Variants in RALGPS1 observed in about 807,000 individuals in gnomAD.
RALGPS1 encodes ras-specific guanine nucleotide-releasing factor RalGPS1.
In RALGPS1, 19 loss-of-function variants were observed where a neutral mutation model predicts 78.8. The observed-to-expected ratio is 0.24, with a 90% CI of 0.17 to 0.35. The LOEUF (loss-of-function observed/expected upper bound fraction) is 0.35. Among genes scored for constraint, RALGPS1 ranks in the 10% least tolerant of loss-of-function variants. The probability of loss-of-function intolerance (pLI) is 1.00; values close to 1 mark genes in which losing one functional copy is unlikely to be tolerated. For missense variants in RALGPS1, 454 were observed against 688.3 expected (o/e 0.66, Z 3.81); for synonymous variants, 228 against 256.3 (o/e 0.89, Z 1.06).
chr9:127,093,778 G>A, intron 8 of RALGPS1: 1 of 1,614,004 alleles, frequency 6.2e-7, no homozygotes, highest in Non-Finnish European at 8.5e-7. Flanking sequence ...AGCCATCCAG[G>A]CGTCTCTGGA....
At chr9:127,191,844 C>T (rs1208890462) in intron 11 of RALGPS1, among the ~76,000 whole-genome samples, 3 of 151,864 alleles carry the variant, frequency 2.0e-5, no homozygotes, top group Non-Finnish European at 4.4e-5. Context: ...ACTACAGGCA[C>T]CTGCCACCAC....
At chr9:127,059,179 G>T (rs1019819139) in intron 7 of RALGPS1, among the ~76,000 whole-genome samples, 5 of 152,176 alleles carry the variant, frequency 3.3e-5, no homozygotes, top group African/African-American at 9.7e-5. Context: ...AGTGCCCTTT[G>T]CCCCCTTTGA....
intron 18 of RALGPS1, among the ~76,000 whole-genome samples, chr9:127,215,468 A>G (rs1295678648): frequency 6.6e-6 from 1 of 152,116 alleles, no homozygotes; most frequent in Non-Finnish European, 1.5e-5. Context: ...TTCTCTCAAC[A>G]TCCCTGTGAG....
intron 8 of RALGPS1, among the ~76,000 whole-genome samples, chr9:127,153,401 G>A (rs1353824510): frequency 1.3e-5 from 1 of 76,564 alleles, no homozygotes; most frequent in Non-Finnish European, 2.5e-5. Flanking sequence ...TTTTTTTTTA[G>A]CAGTTTCATG....
chr9:126,951,647 T>A (rs1039929106), intron 1 of RALGPS1, among the ~76,000 whole-genome samples: 1 of 152,004 alleles, frequency 6.6e-6, no homozygotes, highest in African/African-American at 2.4e-5. Flanking sequence ...CTCAATAAAT[T>A]AGGTATTGAT....
At chr9:127,184,656 A>G (rs1284088432) in intron 11 of RALGPS1, among the ~76,000 whole-genome samples, 1 of 152,214 alleles carries the variant, frequency 6.6e-6, no homozygotes, top group Non-Finnish European at 1.5e-5. Flanking sequence ...CGTGTGCACC[A>G]GAGGCTCAGA....
At chr9:127,053,834 G>A (rs1007231820) in intron 7 of RALGPS1, among the ~76,000 whole-genome samples, 1 of 152,216 alleles carries the variant, frequency 6.6e-6, no homozygotes. Context: ...TGTTTCCATA[G>A]ATCTAGTCCT....
chr9:127,038,055 C>T (rs938939767), intron 5 of RALGPS1, among the ~76,000 whole-genome samples: 1 of 152,196 alleles, frequency 6.6e-6, no homozygotes, highest in Non-Finnish European at 1.5e-5. Context: ...TGTACTCTTC[C>T]AGTCTGCTCT....
intron 4 of RALGPS1, among the ~76,000 whole-genome samples, chr9:127,025,283 T>A (rs969158330): frequency 2.6e-5 from 4 of 152,246 alleles, no homozygotes. Flanking sequence ...CATGATTTGT[T>A]CATCGCCTCA....
chr9:127,072,301 C>T (rs1032235247), intron 8 of RALGPS1, among the ~76,000 whole-genome samples: 1 of 152,162 alleles, frequency 6.6e-6, no homozygotes, highest in African/African-American at 2.4e-5. Flanking sequence ...CAGCCTGAAA[C>T]TCCTGGGTTG....
intron 7 of RALGPS1, among the ~76,000 whole-genome samples, chr9:127,058,486 T>C (rs1288085245): frequency 1.3e-5 from 2 of 151,866 alleles, no homozygotes; most frequent in East Asian, 3.9e-4. Flanking sequence ...AGGATCAGGG[T>C]ATGGCTGGGG....
chr9:127,121,320 A>T (rs1380407306), intron 8 of RALGPS1, among the ~76,000 whole-genome samples: 1 of 152,250 alleles, frequency 6.6e-6, no homozygotes, highest in Non-Finnish European at 1.5e-5. Flanking sequence ...GCTAGTAGGT[A>T]GAAGAGCTGG....
At chr9:126,921,200 TA>T (rs1564253694) in intron 1 of RALGPS1, among the ~76,000 whole-genome samples, 2 of 152,222 alleles carry the variant, frequency 1.3e-5, no homozygotes, top group South Asian at 4.2e-4. Flanking sequence ...GAAAGTTAGG[TA>T]TTGAATGTGA....
At chr9:127,153,148 G>C (rs149485486) in intron 8 of RALGPS1, among the ~76,000 whole-genome samples, 5 of 152,182 alleles carry the variant, frequency 3.3e-5, no homozygotes, top group South Asian at 4.1e-4. Context: ...CAGTCAAACT[G>C]TCTGGGCTGG....
At chr9:127,199,157 C>T in intron 14 of RALGPS1, 91 bp downstream of exon 14, 2 of 1,157,984 alleles carry the variant, frequency 1.7e-6, no homozygotes, top group Non-Finnish European at 2.6e-6. Context: ...ACGGGCCCTG[C>T]CCCACCCACC....
intron 8 of RALGPS1, among the ~76,000 whole-genome samples, chr9:127,103,380 C>T (rs1188722558): frequency 2.0e-5 from 3 of 152,210 alleles, no homozygotes; most frequent in East Asian, 1.9e-4. Context: ...TGGGGACCTC[C>T]TCATGTGGTC....
In RALGPS1 at chr9:126,948,765, G is replaced by A. The variant is rs1035010815; in HGVS notation, c.-65-13460G>A. ...AAACATAGGCGCTTCCCTTCCCCAA[G>A]AAGACGCTTTTCCTGGCCCTTCTTT... On this transcript the variant is annotated intron_variant, in intron 1 of 18. Coordinates refer to ENST00000259351, the MANE Select transcript of RALGPS1 (RefSeq NM_014636.3). Among the ~76,000 whole-genome samples the A allele has an allele frequency of 3.3e-5, 5 of 151,748 alleles. No individual in the cohort carries two copies. The East Asian group carries it at 9.7e-4, about 29-fold the overall frequency.
chr9:127,055,216 G>A (rs28649786), intron 7 of RALGPS1, among the ~76,000 whole-genome samples: 3 of 58,330 alleles, frequency 5.1e-5, no homozygotes, highest in African/African-American at 1.2e-4. Context: ...CTATCTATCT[G>A]TCTGTCTGTC....
intron 4 of RALGPS1, among the ~76,000 whole-genome samples, chr9:127,011,211 CTT>C (rs2044309863): frequency 6.6e-6 from 1 of 151,914 alleles, no homozygotes; most frequent in Admixed American, 6.6e-5. Flanking sequence ...GAGTTTTGCT[CTT>C]GTTGTCCAGG....
Sources: gnomAD v4.1 joint callset for allele counts (sites outside exome capture counted in the v4.1 genomes callset) on GRCh38, gnomAD v4.1.1 for gene constraint, MANE v1.5 for transcripts, NCBI Gene and HGNC (gene_info 2026-07-23, HGNC 2026-07-21) for gene names.